PRCP: variants seen among roughly 807,000 people sequenced by gnomAD.
PRCP encodes the protein prolylcarboxypeptidase.
PRCP carries 46 observed loss-of-function variants against 54.2 expected under a neutral mutation model. The observed-to-expected ratio is 0.85, with a 90% confidence interval of 0.67 to 1.09. The LOEUF (loss-of-function observed/expected upper bound fraction) is 1.09. PRCP is among the 50% of genes least tolerant of loss of function. The pLI, the probability that PRCP is intolerant of heterozygous loss-of-function variation, is 0.00. For missense variants in PRCP, 613 were observed against 596.8 expected (o/e 1.03, Z -0.28); for synonymous variants, 240 against 212.2 (o/e 1.13, Z -1.14).
At chr11:82,878,069 T>G (rs2121230894) in intron 1 of PRCP, among the ~76,000 whole-genome samples, 1 of 152,298 alleles carries the variant, frequency 6.6e-6, no homozygotes, top group African/African-American at 2.4e-5. Context: ...ATTCTGGAGC[T>G]TTAAAATTTG....
chr11:82,890,527 C>T (rs560144215), intron 1 of PRCP, among the ~76,000 whole-genome samples: 61 of 152,300 alleles, frequency 4.0e-4, no homozygotes, highest in South Asian at 1.2e-3. Flanking sequence ...CTCACTCTCT[C>T]GGCTCATTTC....
chr11:82,851,322 G>C lies in PRCP; in HGVS notation c.412-817C>G, dbSNP rs1858948370. Among the ~76,000 whole-genome samples the C allele has an allele frequency of 1.3e-5, 2 of 151,802 alleles. 1 individual carries two copies. Among genetic ancestry groups the C allele is most frequent in the South Asian group, 4.2e-4 (2 of 4,802 alleles). On this transcript the variant is annotated intron_variant, in intron 3 of 8. Coordinates refer to ENST00000313010, the MANE Select transcript of PRCP (RefSeq NM_005040.4). The stretch of plus-strand genomic sequence containing the variant: ...ATGAATAGAATGGGGCAGAAATAAT[G>C]ATATGTGACTACCAAGGTTAGGTCA...
At chr11:82,843,944 C>G (rs1309070736) in intron 6 of PRCP, among the ~76,000 whole-genome samples, 4 of 151,346 alleles carry the variant, frequency 2.6e-5, no homozygotes, top group Non-Finnish European at 5.9e-5. Flanking sequence ...AATGGACCAC[C>G]CTCAAACCTG....
chr11:82,845,846 C>T (rs951731151), intron 6 of PRCP: 4 of 152,302 alleles, frequency 2.6e-5, no homozygotes, highest in African/African-American at 9.6e-5. Context: ...TTCTGTTTCC[C>T]TTTTCTCTTC....
chr11:82,868,144 T>C (rs1331400785), intron 1 of PRCP, among the ~76,000 whole-genome samples: 1 of 152,230 alleles, frequency 6.6e-6, no homozygotes, highest in African/African-American at 2.4e-5. Flanking sequence ...TAAAAGAGAA[T>C]GAGGGGATTC....
At chr11:82,875,130 T>A (rs913805337) in intron 1 of PRCP, among the ~76,000 whole-genome samples, 1 of 152,150 alleles carries the variant, frequency 6.6e-6, no homozygotes, top group East Asian at 1.9e-4. Flanking sequence ...TAGGACTACA[T>A]GTAAATAATC....
intron 3 of PRCP, among the ~76,000 whole-genome samples, chr11:82,850,811 T>G (rs1858937447): frequency 2.0e-5 from 3 of 152,238 alleles, no homozygotes; most frequent in Admixed American, 2.0e-4. Flanking sequence ...AATAGATAAC[T>G]GTTATAACTT....
intron 1 of PRCP, among the ~76,000 whole-genome samples, chr11:82,871,607 C>T (rs1859485748): frequency 6.6e-6 from 1 of 152,124 alleles, no homozygotes; most frequent in South Asian, 2.1e-4. Context: ...ACCCCTCAAC[C>T]TCCAAAAAAG....
At chr11:82,831,585 A>T (rs550953429) in intron 8 of PRCP, 2 of 152,252 alleles carry the variant, frequency 1.3e-5, no homozygotes, top group Non-Finnish European at 2.9e-5. Flanking sequence ...CTTAACAGAA[A>T]AATCTCCAAT....
intron 2 of PRCP, among the ~76,000 whole-genome samples, chr11:82,854,445 C>T (rs1591051404): frequency 1.3e-5 from 2 of 152,152 alleles, no homozygotes; most frequent in African/African-American, 4.8e-5. Flanking sequence ...TACAGCTAAC[C>T]AAGGAAGTGA....
chr11:82,862,181 A>G (rs1023554247), intron 1 of PRCP, among the ~76,000 whole-genome samples: 1 of 152,208 alleles, frequency 6.6e-6, no homozygotes, highest in Non-Finnish European at 1.5e-5. Context: ...TCATTTTGTC[A>G]AAAGTGTTCA....
intron 2 of PRCP, among the ~76,000 whole-genome samples, chr11:82,857,858 T>C (rs1859126253): frequency 6.6e-6 from 1 of 152,152 alleles, no homozygotes; most frequent in South Asian, 2.1e-4. Context: ...AACACCCAGC[T>C]CAAGCATGCC....
At chr11:82,833,077 T>G (rs1439154538) in intron 8 of PRCP, among the ~76,000 whole-genome samples, 1 of 152,230 alleles carries the variant, frequency 6.6e-6, no homozygotes, top group East Asian at 1.9e-4. Flanking sequence ...GAAGCCTTCC[T>G]GAGCTGTGTA....
At chr11:82,852,916 G>C (rs1207253241) in intron 3 of PRCP, among the ~76,000 whole-genome samples, 1 of 152,098 alleles carries the variant, frequency 6.6e-6, no homozygotes, top group African/African-American at 2.4e-5. Flanking sequence ...TCCCTGTGCT[G>C]TCTCTGCAGC....
At chr11:82,894,204 C>T (rs898320531) in intron 1 of PRCP, among the ~76,000 whole-genome samples, 5 of 152,026 alleles carry the variant, frequency 3.3e-5, no homozygotes, top group Non-Finnish European at 7.4e-5. Flanking sequence ...TGCAATAGAC[C>T]CACAACCAAG....
At position 82,838,709 on chromosome 11, in the gene PRCP, T is replaced by C. The variant is rs1167316152; in HGVS notation, c.1087-135A>G. ...CAGGCAAGGCAGCTTCAACGCCCTG[T>C]TCTTTACTTCTGCGCCATATAATCT... On this transcript the variant is annotated intron_variant, in intron 7 of 8. Coordinates refer to ENST00000313010, the MANE Select transcript of PRCP (RefSeq NM_005040.4). 3 of 736,532 alleles carry C rather than the reference T, an allele frequency of 4.1e-6. No individual in the cohort carries two copies. In the East Asian group the frequency reaches 8.5e-5, roughly 21 times the overall value. The allele number at this position is 736,532 out of a possible 1,614,324, so 45.6% of individuals were successfully genotyped here.
At chr11:82,885,207 A>G (rs1206549944) in intron 1 of PRCP, among the ~76,000 whole-genome samples, 1 of 152,206 alleles carries the variant, frequency 6.6e-6, no homozygotes, top group Non-Finnish European at 1.5e-5. Flanking sequence ...CTTTCTGTTC[A>G]GTTATAGTCA....
intron 2 of PRCP, chr11:82,858,280 T>TA (rs1418021313): frequency 2.0e-5 from 3 of 152,210 alleles, no homozygotes; most frequent in Non-Finnish European, 4.4e-5. Flanking sequence ...ACAAGAAACT[T>TA]ACCTAAAGTC....
At chr11:82,854,094 C>T (rs998999299) in intron 2 of PRCP, among the ~76,000 whole-genome samples, 5 of 152,156 alleles carry the variant, frequency 3.3e-5, no homozygotes, top group Non-Finnish European at 5.9e-5. Context: ...AGAACTAAGA[C>T]AAGGCAAGCA....
Sources: allele counts gnomAD v4.1 joint callset (sites outside exome capture counted in the v4.1 genomes callset), GRCh38; gene constraint gnomAD v4.1.1; transcripts MANE v1.5; gene names NCBI Gene and HGNC (gene_info 2026-07-23, HGNC 2026-07-21).